Variants in PHACTR2 observed in about 807,000 individuals in gnomAD.
The protein encoded by PHACTR2 is phosphatase and actin regulator 2, also known as chromosome 6 open reading frame 56.
A neutral mutation model predicts 76.0 loss-of-function variants in PHACTR2; 30 were observed. The observed-to-expected ratio is 0.39, with a 90% confidence interval of 0.30 to 0.54. The LOEUF (loss-of-function observed/expected upper bound fraction) is 0.54. PHACTR2 is among the 20% of genes least tolerant of loss of function. PHACTR2 has a pLI of 0.61. For missense variants in PHACTR2, 696 were observed against 781.1 expected (o/e 0.89, Z 1.30); for synonymous variants, 292 against 292.5 (o/e 1.00, Z 0.02).
At chr6:143,813,409 G>T (rs528841414) in intron 12 of PHACTR2, among the ~76,000 whole-genome samples, 48 of 152,046 alleles carry the variant, frequency 3.2e-4, no homozygotes, top group Non-Finnish European at 5.6e-4. Context: ...CACGAGGTCA[G>T]GAGATTGAGA....
Position 143,537,867 on chromosome 6 carries a change from A to G in PHACTR2, c.217+660A>G, listed in dbSNP as rs1391006098. Among the ~76,000 whole-genome samples the G allele has an allele frequency of 1.3e-5, 2 of 152,156 alleles. No individual in the cohort carries two copies. Among genetic ancestry groups the G allele is most frequent in the African/African-American group, 4.8e-5 (2 of 41,432 alleles). ...ACGCCTGTAATTCCAGAGCTTTGGG[A>G]GGCCCAAGGCCGGCCGATCACTTGA... On this transcript the variant is annotated intron_variant, in intron 1 of 11. Coordinates refer to the PHACTR2 transcript ENST00000367584. The surrounding 1 kb of genome is among the most constrained non-coding windows in gnomAD (Gnocchi z 4.4).
At chr6:143,707,866 C>A (rs1365039365) in intron 1 of PHACTR2, among the ~76,000 whole-genome samples, 1 of 152,062 alleles carries the variant, frequency 6.6e-6, no homozygotes, top group Non-Finnish European at 1.5e-5. Context: ...AATCATGGCA[C>A]GTGAGTGAAG....
chr6:143,812,689 C>G (rs9390142), intron 12 of PHACTR2, among the ~76,000 whole-genome samples: 1 of 152,120 alleles, frequency 6.6e-6, no homozygotes, highest in Non-Finnish European at 1.5e-5. Context: ...GCCCTAACCT[C>G]AGTTGCTTAG....
chr6:143,559,690 C>CTTTTTTTTTTTTTTTTTT (rs5880566), intron 1 of PHACTR2, among the ~76,000 whole-genome samples: 1 of 31,894 alleles, frequency 3.1e-5, no homozygotes, highest in Non-Finnish European at 5.4e-5. Context: ...TTTTTCTTTT[C>CTTTTTTTTTTTTTTTTTT]TTTTTTTTTT....
intron 1 of PHACTR2, among the ~76,000 whole-genome samples, chr6:143,601,271 C>CAAA: frequency 1.3e-5 from 2 of 152,156 alleles, no homozygotes; most frequent in Non-Finnish European, 2.9e-5. Flanking sequence ...TTGAGAAAAT[C>CAAA]AGAATCTTCT....
At chr6:143,805,476 T>A in intron 11 of PHACTR2, among the ~76,000 whole-genome samples, 1 of 91,596 alleles carries the variant, frequency 1.1e-5, no homozygotes, top group Admixed American at 1.3e-4. Flanking sequence ...TGAAACTCCG[T>A]CTCAAAAAAA....
rs932590019 is a variant in PHACTR2, at chr6:143,663,187, C to T, written c.14-48829C>T. On this transcript the variant is annotated intron_variant, in intron 1 of 11. Coordinates refer to the PHACTR2 transcript ENST00000305766. The surrounding 1 kb of genome is among the most constrained non-coding windows in gnomAD (Gnocchi z 4.1). ...GTGATGAACGTACGAGTGCATGTGT[C>T]TTTTTGCTATAGTGATCTATTTCCC... 4.6e-5 allele frequency among the ~76,000 whole-genome samples: 7 copies of T among 152,134 alleles called. No homozygotes were observed. Among genetic ancestry groups the T allele is most frequent in the Admixed American group, 4.6e-4 (7 of 15,266 alleles).
At chr6:143,631,360 TA>T (rs1421472107) in intron 1 of PHACTR2, among the ~76,000 whole-genome samples, 3 of 151,818 alleles carry the variant, frequency 2.0e-5, no homozygotes, top group Non-Finnish European at 4.4e-5. Context: ...CTGGCTAATT[TA>T]AAAAAAATTT....
intron 1 of PHACTR2, among the ~76,000 whole-genome samples, chr6:143,577,399 C>A (rs555900065): frequency 6.6e-6 from 1 of 151,952 alleles, no homozygotes; most frequent in South Asian, 2.1e-4. Context: ...GAGAGAAGGA[C>A]CCTAGCAGTT....
Position 143,826,130 on chromosome 6 carries a change from A to C in PHACTR2, c.*2441A>C, listed in dbSNP as rs952202483. The C allele has an allele frequency of 6.6e-6, 1 of 152,126 alleles. No homozygotes were observed. The highest frequency in any genetic ancestry group is 1.5e-5 in the Non-Finnish European group (1 of 68,030). 9.4% of individuals were successfully genotyped at this position (152,126 alleles called of 1,614,324 possible). On this transcript the variant is annotated 3_prime_UTR_variant, in exon 13 of 13. Coordinates refer to ENST00000440869, the MANE Select transcript of PHACTR2 (RefSeq NM_001100164.2). The stretch of plus-strand genomic sequence containing the variant: ...AATCACCAATTATTTTATTAGAATG[A>C]TGGCTTGAGTAAAAAGCTGTGGAAA...
At position 143,688,300 on chromosome 6, in the gene PHACTR2, G is replaced by A. The variant is rs989551451; in HGVS notation, c.46+10091G>A. Among the ~76,000 whole-genome samples, 3 of 152,092 alleles carry A rather than the reference G, an allele frequency of 2.0e-5. No individual in the cohort carries two copies. Among genetic ancestry groups the A allele is most frequent in the Non-Finnish European group, 2.9e-5 (2 of 68,010 alleles). On this transcript the variant is annotated intron_variant, in intron 1 of 12. Transcript: ENST00000440869. The surrounding 1 kb of genome is among the most constrained non-coding windows in gnomAD (Gnocchi z 5.2). ...TGAAAGTGGGACCAAGAAGTAGGCT[G>A]GAATAATCCAGCAAGGTGAAGTGGA... is the stretch of plus-strand genomic sequence containing the variant.
rs563556097 is a variant in PHACTR2 at position 143,738,762 on chromosome 6, AAAAG to A, written c.215-10203_215-10200del. ...TAGAGCAGGACCTTGTCTCAAAAAA[AAAAG>A]AAAGAAAGAAAGAAAGAAAATTAAA... On this transcript the variant is annotated intron_variant, in intron 2 of 12. Coordinates refer to ENST00000440869, the MANE Select transcript of PHACTR2 (RefSeq NM_001100164.2). The surrounding 1 kb of genome is among the most constrained non-coding windows in gnomAD (Gnocchi z 4.0). 2.7e-4 allele frequency among the ~76,000 whole-genome samples: 41 copies of A among 152,244 alleles called. No homozygotes were observed. The highest frequency in any genetic ancestry group is 4.7e-4 in the Non-Finnish European group (32 of 67,992).
At position 143,757,265 on chromosome 6, in the gene PHACTR2, A is replaced by G. The variant is rs1419827139; in HGVS notation, c.455-3136A>G. ...GAAAAATGGCCTTTGCCTTAAGAGC[A>G]TGACCTGTGAGGAGACCAGAATGCA... On this transcript the variant is annotated intron_variant, in intron 4 of 12. Coordinates refer to ENST00000440869, the MANE Select transcript of PHACTR2 (RefSeq NM_001100164.2). This position sits in a 1 kb window ranked among gnomAD's most constrained non-coding sequence, Gnocchi z 4.2. 6.6e-6 allele frequency among the ~76,000 whole-genome samples: 1 copy of G among 152,218 alleles called. No individual in the cohort carries two copies. Among genetic ancestry groups the G allele is most frequent in the Non-Finnish European group, 1.5e-5 (1 of 68,036 alleles).
chr6:143,759,304 A>G (rs1389347876), intron 4 of PHACTR2, among the ~76,000 whole-genome samples: 2 of 152,238 alleles, frequency 1.3e-5, no homozygotes, highest in East Asian at 1.9e-4. Context: ...ACATTACAAA[A>G]TAGACCTAAG....
At chr6:143,590,424 G>T (rs1269610316) in intron 1 of PHACTR2, among the ~76,000 whole-genome samples, 2 of 152,064 alleles carry the variant, frequency 1.3e-5, no homozygotes, top group Non-Finnish European at 2.9e-5. Flanking sequence ...CTGTCAGCCT[G>T]TGGTTGCTTA....
chr6:143,769,316 A>G (rs1775037161), intron 6 of PHACTR2, among the ~76,000 whole-genome samples: 1 of 152,166 alleles, frequency 6.6e-6, no homozygotes, highest in South Asian at 2.1e-4. Context: ...TTTCACAAAC[A>G]TGTATAGAAT....
Position 143,821,418 on chromosome 6 carries a change from AAC to A in PHACTR2, c.1923-2252_1923-2251del, listed in dbSNP as rs1237957435. On this transcript the variant is annotated intron_variant, in intron 12 of 12. Coordinates refer to ENST00000440869, the MANE Select transcript of PHACTR2 (RefSeq NM_001100164.2). This position sits in a 1 kb window ranked among gnomAD's most constrained non-coding sequence, Gnocchi z 5.2. ...TTTTCATTTTGTAATGCTTGTATTCAACACAGTGACGTTTAGTAAGTACTATC... is the reference window on the plus strand; with the variant it reads ...TTTTCATTTTGTAATGCTTGTATTCAACAGTGACGTTTAGTAAGTACTATC... 6.6e-6 allele frequency among the ~76,000 whole-genome samples: 1 copy of A among 152,236 alleles called. No individual in the cohort carries two copies. Among genetic ancestry groups the A allele is most frequent in the East Asian group, 1.9e-4 (1 of 5,196 alleles).
chr6:143,544,184 T>C (rs541438901), intron 1 of PHACTR2, among the ~76,000 whole-genome samples: 1 of 150,018 alleles, frequency 6.7e-6, no homozygotes, highest in African/African-American at 2.5e-5. Flanking sequence ...GTAAAGAAAT[T>C]CTTTGACCTG....
In PHACTR2 at chr6:143,585,905, C is replaced by T. The variant is rs1775624721; in HGVS notation, c.217+48698C>T. 6.6e-6 allele frequency among the ~76,000 whole-genome samples: 1 copy of T among 152,218 alleles called. No homozygotes were observed. The highest frequency in any genetic ancestry group is 2.1e-4 in the South Asian group (1 of 4,824). On this transcript the variant is annotated intron_variant, in intron 1 of 11. Coordinates refer to the PHACTR2 transcript ENST00000367584. The surrounding 1 kb of genome is among the most constrained non-coding windows in gnomAD (Gnocchi z 5.2). Reference sequence around the variant, plus strand: ...AGCTGGGGCCGCTAGCACTTCATGGCAGGGACACATTATTTTTCTTCTTTG... The same window carrying T: ...AGCTGGGGCCGCTAGCACTTCATGGTAGGGACACATTATTTTTCTTCTTTG...
Sources: allele counts gnomAD v4.1 joint callset (sites outside exome capture counted in the v4.1 genomes callset), GRCh38; gene constraint gnomAD v4.1.1; non-coding constraint Gnocchi (gnomAD v3.1); transcripts MANE v1.5; gene names NCBI Gene and HGNC (gene_info 2026-07-23, HGNC 2026-07-21).